Variants in MYCBP2 observed in about 807,000 individuals in gnomAD.
MYCBP2 encodes the protein MYC binding protein 2.
MYCBP2 carries 120 observed loss-of-function variants against 525.3 expected under a neutral mutation model. The observed-to-expected ratio is 0.23, with a 90% confidence interval of 0.20 to 0.27. The LOEUF (loss-of-function observed/expected upper bound fraction) is 0.27, where lower values mean the gene tolerates loss of function less well. Ranked by LOEUF, MYCBP2 falls within the 10% of genes least tolerant of loss-of-function variation. The pLI, the probability that MYCBP2 is intolerant of heterozygous loss-of-function variation, is 1.00. For missense variants in MYCBP2, 4,149 were observed against 5,657.1 expected (o/e 0.73, Z 8.55); for synonymous variants, 1,894 against 1,955.8 (o/e 0.97, Z 0.83).
intron 53 of MYCBP2, 58 bp downstream of exon 53, chr13:77,126,260 G>C: frequency 1.4e-6 from 2 of 1,436,414 alleles, no homozygotes; most frequent in Non-Finnish European, 1.9e-6. Context: ...GAGATGCTTT[G>C]GTTGTATTAC....
intron 1 of MYCBP2, among the ~76,000 whole-genome samples, chr13:77,302,255 C>CATGGT (rs2154370273): frequency 6.6e-6 from 1 of 151,796 alleles, no homozygotes; most frequent in East Asian, 1.9e-4. Flanking sequence ...CTAGGCACAG[C>CATGGT]ATGGTCATAT....
intron 1 of MYCBP2, among the ~76,000 whole-genome samples, chr13:77,315,807 C>G (rs2080859598): frequency 6.7e-6 from 1 of 149,282 alleles, no homozygotes; most frequent in Admixed American, 6.7e-5. Context: ...AGGCAGGAGA[C>G]TTGCTGGATC....
At chr13:77,093,023 G>T in intron 59 of MYCBP2, 142 bp downstream of exon 59, 1 of 717,840 alleles carries the variant, frequency 1.4e-6, no homozygotes, top group Non-Finnish European at 2.3e-6. Flanking sequence ...AGTCATACAT[G>T]TATGCTTTTT....
At position 77,058,630 on chromosome 13, in the gene MYCBP2, T is replaced by C. The variant is rs1328677659; in HGVS notation, c.13141-224A>G. On this transcript the variant is annotated intron_variant, in intron 77 of 82. Coordinates refer to ENST00000544440, the MANE Select transcript of MYCBP2 (RefSeq NM_015057.5). The surrounding 1 kb of genome is among the most constrained non-coding windows in gnomAD (Gnocchi z 4.1). ...GCGATTTTTAAAAAATGCCACTCTC[T>C]ATAAAGGGAATGCTGATAAGTGAAT... 6.6e-6 allele frequency among the ~76,000 whole-genome samples: 1 copy of C among 152,044 alleles called. No homozygotes were observed. Among genetic ancestry groups the C allele is most frequent in the Non-Finnish European group, 1.5e-5 (1 of 67,992 alleles).
At chr13:77,048,381 T>C (rs934433162) in intron 82 of MYCBP2, among the ~76,000 whole-genome samples, 2 of 152,196 alleles carry the variant, frequency 1.3e-5, no homozygotes, top group African/African-American at 4.8e-5. Flanking sequence ...TATTTTGTTA[T>C]AGCAGCTTGA....
At chr13:77,222,660 T>C (rs1490786090) in intron 20 of MYCBP2, among the ~76,000 whole-genome samples, 1 of 152,166 alleles carries the variant, frequency 6.6e-6, no homozygotes, top group East Asian at 1.9e-4. Context: ...CACAAGCCTT[T>C]CAACACACAC....
chr13:77,132,675 T>C (rs902577764), intron 52 of MYCBP2, among the ~76,000 whole-genome samples: 4 of 152,162 alleles, frequency 2.6e-5, no homozygotes, highest in Non-Finnish European at 1.5e-5. Context: ...CCCCTCACAA[T>C]GTTAAAAGAT....
rs899866703 is a variant in MYCBP2 at position 77,307,915 on chromosome 13, C to T, written c.303-11241G>A. 4.6e-5 allele frequency among the ~76,000 whole-genome samples: 7 copies of T among 152,148 alleles called. No homozygotes were observed. The South Asian group carries it at 1.2e-3, about 27-fold the overall frequency. ...GTTCCTTCTCAGTCTTCTTTACTGG[C>T]TCCTTTTTCTTCCTCTTCCTGTCCC... On this transcript the variant is annotated intron_variant, in intron 1 of 82. Coordinates refer to ENST00000544440, the MANE Select transcript of MYCBP2 (RefSeq NM_015057.5).
At chr13:77,071,572 C>G (rs1222451532) in intron 68 of MYCBP2, among the ~76,000 whole-genome samples, 1 of 151,944 alleles carries the variant, frequency 6.6e-6, no homozygotes, top group Non-Finnish European at 1.5e-5. Flanking sequence ...GAATGAATTC[C>G]AAATAAACAA....
At chr13:77,088,729 A>T in intron 61 of MYCBP2, 103 bp downstream of exon 61, 1 of 1,012,084 alleles carries the variant, frequency 9.9e-7, no homozygotes, top group Non-Finnish European at 1.5e-6. Context: ...AATGCCTTTT[A>T]ATTTCACACA....
rs772939682 is a variant in MYCBP2, at chr13:77,189,055, C to G, written c.4155-8G>C. ...CCATCACTGGTTGGAAGTCTAAAGG[C>G]AGTAGACACATATAAAATTATGTTA... On this transcript the variant is annotated splice_polypyrimidine_tract_variant and splice_region_variant and intron_variant, in intron 29 of 82. Transcript: ENST00000544440. 2.5e-6 allele frequency: 4 copies of G among 1,575,388 alleles called. No homozygotes were observed. Among genetic ancestry groups the G allele is most frequent in the Non-Finnish European group, 3.4e-6 (4 of 1,159,470 alleles).
chr13:77,318,703 G>A (rs371283713), intron 1 of MYCBP2, among the ~76,000 whole-genome samples: 12 of 152,160 alleles, frequency 7.9e-5, no homozygotes, highest in South Asian at 4.1e-4. Flanking sequence ...GCAGTGAGCC[G>A]AGATCGCACC....
intron 45 of MYCBP2, 93 bp downstream of exon 45, chr13:77,157,844 A>C: frequency 9.8e-7 from 1 of 1,025,336 alleles, no homozygotes; most frequent in Non-Finnish European, 1.5e-6. Flanking sequence ...ACTTTTTTAA[A>C]GTAGTATTTT....
intron 68 of MYCBP2, among the ~76,000 whole-genome samples, chr13:77,073,941 A>G (rs1489178845): frequency 6.6e-6 from 1 of 151,634 alleles, no homozygotes; most frequent in Admixed American, 6.6e-5. Flanking sequence ...TATTATTGAC[A>G]TGGCGATTCT....
In MYCBP2 at chr13:77,077,144, T is replaced by C. The variant is rs1451631613; in HGVS notation, c.11724+4A>G. On this transcript the variant is annotated splice_donor_region_variant and intron_variant, in intron 67 of 82. Transcript: ENST00000544440. Reference sequence around the variant, plus strand: ...GTGCTAGAATATGTTGTAAGGACACTCACTTGAGACGTAATCAGTCTGAAT... The same window carrying C: ...GTGCTAGAATATGTTGTAAGGACACCCACTTGAGACGTAATCAGTCTGAAT... The C allele has an allele frequency of 6.2e-7, 1 of 1,612,746 alleles. No individual in the cohort carries two copies. Among genetic ancestry groups the C allele is most frequent in the South Asian group, 1.1e-5 (1 of 91,022 alleles).
rs767926462 is a variant in MYCBP2, at chr13:77,097,772, G to A, written c.9382C>T (p.Pro3128Ser). The A allele has an allele frequency of 3.1e-6, 5 of 1,613,710 alleles. No individual in the cohort carries two copies. The highest frequency in any genetic ancestry group is 4.2e-6 in the Non-Finnish European group (5 of 1,179,794). ...CCATCCTCACATTTTTCATGCAGAG[G>A]TGGTTCCTTAAGCATAGACAATACC... is the stretch of plus-strand genomic sequence containing the variant. ...NKVLSMLKEPPLHEKCEDGKT... is the reference protein window; with the variant it reads ...NKVLSMLKEPSLHEKCEDGKT... Residue 3128 changes from proline to serine, a missense_variant, in exon 56 of 83, where the codon CCT (proline) becomes TCT (serine). Pro to Ser is a moderately conservative substitution (Grantham distance 74). Coordinates refer to ENST00000544440, the MANE Select transcript of MYCBP2 (RefSeq NM_015057.5).
intron 40 of MYCBP2, among the ~76,000 whole-genome samples, chr13:77,167,340 A>G (rs2058661440): frequency 6.6e-6 from 1 of 152,186 alleles, no homozygotes; most frequent in Non-Finnish European, 1.5e-5. Context: ...GGAGCCTGGA[A>G]CATCTTATCC....
chr13:77,068,794 G>T lies in MYCBP2; in HGVS notation c.11942C>A (p.Ala3981Asp). 6.2e-7 allele frequency: 1 copy of T among 1,614,166 alleles called. No homozygotes were observed. The highest frequency in any genetic ancestry group is 8.5e-7 in the Non-Finnish European group (1 of 1,180,012). Reference protein sequence around the residue: ...AHIVQAIRMEATRVREEWEHA... With the variant: ...AHIVQAIRMEDTRVREEWEHA... ...TTCCCATTCTTCACGGACTCTGGTA[G>T]CTTCCATGCGAATAGCTTGGACAAT... The change falls in exon 70 of 83, where the codon GCT (alanine) becomes GAT (aspartate). Residue 3981 changes from alanine (A) to aspartate (D), a missense_variant. By Grantham distance (126) the Ala-to-Asp change is moderately radical. This residue lies in a region of MYCBP2 where 64 missense variants were observed against 131.2 expected (regional missense o/e 0.49). Coordinates refer to ENST00000544440, the MANE Select transcript of MYCBP2 (RefSeq NM_015057.5).
At chr13:77,298,307 CT>C (rs1283203106) in intron 1 of MYCBP2, among the ~76,000 whole-genome samples, 1 of 152,224 alleles carries the variant, frequency 6.6e-6, no homozygotes, top group Non-Finnish European at 1.5e-5. Context: ...TCACTTAAGT[CT>C]AACTCCCCAC....
Sources: gnomAD v4.1 joint callset for allele counts (sites outside exome capture counted in the v4.1 genomes callset) on GRCh38, gnomAD v4.1.1 for gene constraint, gnomAD v4.1.1 regional missense constraint, Gnocchi (gnomAD v3.1) non-coding constraint, MANE v1.5 for transcripts, NCBI Gene and HGNC (gene_info 2026-07-23, HGNC 2026-07-21) for gene names.